Variants in PDLIM4 observed in about 807,000 individuals in gnomAD.
PDLIM4 encodes PDZ and LIM domain 4, also known as PDZ and LIM domain protein 4.
PDLIM4 carries 19 observed loss-of-function variants against 31.3 expected under a neutral mutation model. The observed-to-expected ratio is 0.61, with a 90% CI of 0.42 to 0.89. PDLIM4 has a LOEUF of 0.89. Among genes scored for constraint, PDLIM4 ranks in the 40% least tolerant of loss-of-function variants. PDLIM4 has a pLI of 0.00. For synonymous variants in PDLIM4, 176 were observed against 190.1 expected (o/e 0.93, Z 0.61); for missense variants, 442 against 461.1 (o/e 0.96, Z 0.38).
At chr5:132,259,352 C>T (rs977497385) in intron 1 of PDLIM4, among the ~76,000 whole-genome samples, 9 of 152,076 alleles carry the variant, frequency 5.9e-5, no homozygotes, top group Non-Finnish European at 1.2e-4. Context: ...GCCTGCCCTC[C>T]GAGGAAAGGC....
intron 1 of PDLIM4, chr5:132,261,364 ACCAGGCCT>A (rs1361172349): frequency 6.6e-6 from 1 of 152,276 alleles, no homozygotes; most frequent in East Asian, 1.9e-4. Context: ...CAGTGCCAAC[ACCAGGCCT>A]CCAGCCAAGG....
chr5:132,270,988 G>T lies in PDLIM4; in HGVS notation c.401G>T (p.Gly134Val). 1 of 1,614,118 alleles carries T rather than the reference G, an allele frequency of 6.2e-7. No individual in the cohort carries two copies. Among genetic ancestry groups the T allele is most frequent in the South Asian group, 1.1e-5 (1 of 91,090 alleles). Residue 134 changes from glycine (G) to valine (V), a missense_variant, in exon 4 of 7, where the codon GGA (glycine) becomes GTA (valine). Coordinates refer to ENST00000253754, the MANE Select transcript of PDLIM4 (RefSeq NM_003687.4). ...TGPEDGRPSL[G>V]SPYGQPPRFP... ...CCAGAAGATGGCAGACCAAGCCTGGGATCTCCATATGGACAACCCCCTCGC... is the reference window on the plus strand; with the variant it reads ...CCAGAAGATGGCAGACCAAGCCTGGTATCTCCATATGGACAACCCCCTCGC...
chr5:132,266,850 C>T (rs1171420086), intron 3 of PDLIM4: 2 of 266,602 alleles, frequency 7.5e-6, no homozygotes, highest in Non-Finnish European at 1.4e-5. Flanking sequence ...CTGGAGTTCA[C>T]TCTGGTGCTC....
chr5:132,267,206 A>G (rs960097691), intron 3 of PDLIM4, among the ~76,000 whole-genome samples: 5 of 152,198 alleles, frequency 3.3e-5, no homozygotes, highest in Admixed American at 1.3e-4. Context: ...GAGTTTGGGC[A>G]AGGAGACTGG....
rs1160775244 is a variant in PDLIM4, at chr5:132,272,043, A to T, written c.807A>T (p.Ala269=). The T allele has an allele frequency of 8.1e-6, 13 of 1,614,188 alleles. No homozygotes were observed. Among genetic ancestry groups the T allele is most frequent in the Non-Finnish European group, 1.1e-5 (13 of 1,179,996 alleles). The change falls in exon 7 of 7, where the codon GCA becomes GCT. Residue 269 remains alanine, a synonymous_variant. Transcript: ENST00000253754. ...GHGIVGTIVK[A]RDKLYHPECF... ...CCATCAGGGGCACCATCGTCAAGGC[A>T]CGGGACAAGCTCTACCATCCCGAGT...
chr5:132,257,867 T>A lies in PDLIM4; in HGVS notation c.93+40T>A. Reference sequence around the variant, plus strand: ...TGCGTGGCGGCAGGGCGGTCCCATGTCTGAGACCGGGTTCTCGCGGTCCGC... The same window carrying A: ...TGCGTGGCGGCAGGGCGGTCCCATGACTGAGACCGGGTTCTCGCGGTCCGC... On this transcript the variant is annotated intron_variant, in intron 1 of 6. Transcript: ENST00000253754. The surrounding 1 kb of genome is among the most constrained non-coding windows in gnomAD (Gnocchi z 4.3). 1 of 1,196,422 alleles carries A rather than the reference T, an allele frequency of 8.4e-7. No homozygotes were observed. The highest frequency in any genetic ancestry group is 1.1e-6 in the Non-Finnish European group (1 of 885,622). 74.1% of individuals were successfully genotyped at this position (1,196,422 alleles called of 1,614,324 possible).
chr5:132,263,634 C>T lies in PDLIM4; in HGVS notation c.245+874C>T, dbSNP rs970868323. Among the ~76,000 whole-genome samples the T allele has an allele frequency of 3.3e-5, 5 of 152,194 alleles. No homozygotes were observed. In the South Asian group the frequency reaches 6.2e-4, roughly 19 times the overall value. Reference sequence around the variant, plus strand: ...CCTGCCCACCTTGATCCACAGAAGTCGGGCATAACTTATCAGCTCTGCCGT... The same window carrying T: ...CCTGCCCACCTTGATCCACAGAAGTTGGGCATAACTTATCAGCTCTGCCGT... On this transcript the variant is annotated intron_variant, in intron 2 of 6. Transcript: ENST00000253754.
chr5:132,258,310 C>G (rs1021728747), intron 1 of PDLIM4, among the ~76,000 whole-genome samples: 2 of 152,248 alleles, frequency 1.3e-5, no homozygotes, highest in Non-Finnish European at 2.9e-5. Flanking sequence ...GGTCCATCCA[C>G]TTCCCACTTT....
intron 3 of PDLIM4, among the ~76,000 whole-genome samples, chr5:132,269,988 GT>G (rs1479788700): frequency 1.3e-5 from 2 of 152,094 alleles, no homozygotes; most frequent in Non-Finnish European, 2.9e-5. Flanking sequence ...ATGTGTGTGT[GT>G]GTGTCTTTAA....
At position 132,257,960 on chromosome 5, in the gene PDLIM4, T is replaced by A; in HGVS notation, c.93+133T>A. Reference sequence around the variant, plus strand: ...GGGTTGGCCTGGGCGCCCCGCATGCTGTAGAGGCGGCTTCCAGGCAGAGGC... The same window carrying A: ...GGGTTGGCCTGGGCGCCCCGCATGCAGTAGAGGCGGCTTCCAGGCAGAGGC... On this transcript the variant is annotated intron_variant, in intron 1 of 6. Coordinates refer to ENST00000253754, the MANE Select transcript of PDLIM4 (RefSeq NM_003687.4). The surrounding 1 kb of genome is among the most constrained non-coding windows in gnomAD (Gnocchi z 4.3). 6.2e-6 allele frequency: 3 copies of A among 486,906 alleles called. No homozygotes were observed. Among genetic ancestry groups the A allele is most frequent in the Non-Finnish European group, 1.0e-5 (3 of 285,782 alleles). 30.2% of individuals were successfully genotyped at this position (486,906 alleles called of 1,614,324 possible).
chr5:132,260,639 G>A (rs192724505), intron 1 of PDLIM4, among the ~76,000 whole-genome samples: 95 of 152,306 alleles, frequency 6.2e-4, no homozygotes, highest in African/African-American at 2.1e-3. Flanking sequence ...AAATGCAGGT[G>A]TTAAGAGCAT....
In PDLIM4 at chr5:132,272,577, C is replaced by A; in HGVS notation, c.*348C>A. On this transcript the variant is annotated 3_prime_UTR_variant, in exon 7 of 7. Coordinates refer to ENST00000253754, the MANE Select transcript of PDLIM4 (RefSeq NM_003687.4). Reference sequence around the variant, plus strand: ...GCGGCGCGACGACAGGAGGTATGACCTGGGTGGGGTCAGGGAAAGTCTTAG... The same window carrying A: ...GCGGCGCGACGACAGGAGGTATGACATGGGTGGGGTCAGGGAAAGTCTTAG... The A allele has an allele frequency of 2.8e-6, 1 of 359,708 alleles. No individual in the cohort carries two copies. Among genetic ancestry groups the A allele is most frequent in the African/African-American group, 2.1e-5 (1 of 47,996 alleles). The allele number at this position is 359,708 out of a possible 1,614,324, so 22.3% of individuals were successfully genotyped here. A position where few individuals can be genotyped will look rare whatever the true frequency, so the allele number is the denominator to read the frequency against.
chr5:132,263,136 C>T (rs1181188764), intron 2 of PDLIM4, among the ~76,000 whole-genome samples: 1 of 152,162 alleles, frequency 6.6e-6, no homozygotes, highest in Non-Finnish European at 1.5e-5. Context: ...CCTCATTTAA[C>T]CCTCATTTAC....
intron 3 of PDLIM4, 123 bp downstream of exon 3, chr5:132,266,668 T>C: frequency 3.3e-6 from 2 of 608,134 alleles, no homozygotes; most frequent in Non-Finnish European, 5.8e-6. Context: ...AGACAGAGAC[T>C]GAAGCAGAAG....
intron 1 of PDLIM4, among the ~76,000 whole-genome samples, chr5:132,258,813 A>G (rs1240702666): frequency 6.6e-6 from 1 of 152,214 alleles, no homozygotes. Context: ...CCTTGCTCCC[A>G]CACAGGCTGA....
intron 3 of PDLIM4, among the ~76,000 whole-genome samples, chr5:132,269,944 TAG>T (rs1756569183): frequency 1.3e-5 from 2 of 152,120 alleles, no homozygotes; most frequent in African/African-American, 2.4e-5. Context: ...TAGTTGTATG[TAG>T]GGAGATTGGT....
chr5:132,264,080 C>T (rs1029675893), intron 2 of PDLIM4, among the ~76,000 whole-genome samples: 4 of 152,202 alleles, frequency 2.6e-5, no homozygotes, highest in Non-Finnish European at 5.9e-5. Context: ...CCCTGACTCA[C>T]CTCCAGCCTT....
intron 3 of PDLIM4, among the ~76,000 whole-genome samples, chr5:132,267,292 C>A (rs575447631): frequency 6.6e-6 from 1 of 152,284 alleles, no homozygotes; most frequent in Non-Finnish European, 1.5e-5. Context: ...CTTTGTCCAC[C>A]CTCTCAACAT....
At chr5:132,266,581 G>C (rs1278715751) in intron 3 of PDLIM4, 36 bp downstream of exon 3, 3 of 1,466,544 alleles carry the variant, frequency 2.0e-6, no homozygotes, top group East Asian at 2.3e-5. Flanking sequence ...GCCTGGCTCA[G>C]AGTGAGCCCA....
Sources: allele counts gnomAD v4.1 joint callset (sites outside exome capture counted in the v4.1 genomes callset), GRCh38; gene constraint gnomAD v4.1.1; non-coding constraint Gnocchi (gnomAD v3.1); transcripts MANE v1.5; gene names NCBI Gene and HGNC (gene_info 2026-07-23, HGNC 2026-07-21).